ANKS1B: variants seen among roughly 807,000 people sequenced by gnomAD.
ANKS1B encodes the protein ankyrin repeat and sterile alpha motif domain containing 1B.
In ANKS1B, 36 loss-of-function variants were observed where a neutral mutation model predicts 148.3. The ratio of observed to expected loss-of-function variants is 0.24; its 90% CI spans 0.19 to 0.32. ANKS1B has a LOEUF of 0.32. ANKS1B is among the 10% of genes least tolerant of loss of function. The probability of loss-of-function intolerance (pLI) is 1.00; values close to 1 mark genes in which losing one functional copy is unlikely to be tolerated. For missense variants in ANKS1B, 1,157 were observed against 1,542.6 expected, an observed-to-expected ratio of 0.75 and a Z score of 4.19; for synonymous variants, 542 against 560.8, an observed-to-expected ratio of 0.97 and a Z score of 0.47.
At chr12:99,377,657 G>C (rs978978625) in intron 12 of ANKS1B, among the ~76,000 whole-genome samples, 1 of 152,194 alleles carries the variant, frequency 6.6e-6, no homozygotes, top group African/African-American at 2.4e-5. Flanking sequence ...TTAAGAAAAA[G>C]AGTGTATATT....
chr12:99,524,391 TAGCAA>T (rs2096906044), intron 9 of ANKS1B, among the ~76,000 whole-genome samples: 1 of 152,070 alleles, frequency 6.6e-6, no homozygotes, highest in African/African-American at 2.4e-5. Context: ...ACGTAACACA[TAGCAA>T]AAGGAACTTT....
intron 8 of ANKS1B, among the ~76,000 whole-genome samples, chr12:99,666,775 A>C (rs915707035): frequency 1.3e-5 from 2 of 151,986 alleles, no homozygotes; most frequent in African/African-American, 4.8e-5. Flanking sequence ...GGTGTATGGC[A>C]TATTATTTTG....
intron 1 of ANKS1B, among the ~76,000 whole-genome samples, chr12:99,983,222 A>T (rs2095732723): frequency 6.6e-6 from 1 of 152,184 alleles, no homozygotes; most frequent in African/African-American, 2.4e-5. Flanking sequence ...GTATCTAGTG[A>T]ATACTCTCCA....
In ANKS1B at chr12:99,213,941, C is replaced by T. The variant is rs138858879; in HGVS notation, c.2419+30401G>A. On this transcript the variant is annotated intron_variant, in intron 14 of 26. Coordinates refer to ENST00000683438, the MANE Select transcript of ANKS1B (RefSeq NM_001352186.2). ...TCATAGGATTTTAGGGAATGCTTCACATCAAAGCTGTTGGTGGCACAGAGG... is the reference window on the plus strand; with the variant it reads ...TCATAGGATTTTAGGGAATGCTTCATATCAAAGCTGTTGGTGGCACAGAGG... 1.2e-4 allele frequency among the ~76,000 whole-genome samples: 19 copies of T among 152,318 alleles called. No homozygotes were observed. In the East Asian group the frequency reaches 2.3e-3, roughly 19 times the overall value.
chr12:98,971,525 T>C (rs968976535), intron 17 of ANKS1B, among the ~76,000 whole-genome samples: 4 of 152,164 alleles, frequency 2.6e-5, no homozygotes, highest in Non-Finnish European at 5.9e-5. Flanking sequence ...ATCTGTTAGT[T>C]TGGATATATA....
chr12:99,808,200 T>C (rs984541312), intron 3 of ANKS1B, among the ~76,000 whole-genome samples: 4 of 151,968 alleles, frequency 2.6e-5, no homozygotes, highest in African/African-American at 9.7e-5. Flanking sequence ...ATAGCTGTTC[T>C]GATGAAAATA....
chr12:98,787,522 C>T (rs1176523436), intron 22 of ANKS1B, among the ~76,000 whole-genome samples: 3 of 152,138 alleles, frequency 2.0e-5, no homozygotes, highest in Non-Finnish European at 4.4e-5. Context: ...TGGCTAAGTA[C>T]CAGCAGTTTC....
At chr12:99,122,058 C>G (rs1388617015) in intron 15 of ANKS1B, among the ~76,000 whole-genome samples, 1 of 152,120 alleles carries the variant, frequency 6.6e-6, no homozygotes, top group Non-Finnish European at 1.5e-5. Context: ...TATTTGGAGT[C>G]AGATAGATGA....
At chr12:99,171,356 A>C (rs2077737255) in intron 14 of ANKS1B, among the ~76,000 whole-genome samples, 1 of 152,230 alleles carries the variant, frequency 6.6e-6, no homozygotes, top group African/African-American at 2.4e-5. Flanking sequence ...TCTGAAATTC[A>C]AAAATAGAAA....
chr12:99,822,281 C>T (rs577439784), intron 2 of ANKS1B, among the ~76,000 whole-genome samples: 41 of 152,138 alleles, frequency 2.7e-4, no homozygotes, highest in African/African-American at 9.9e-4. Context: ...ACTACCATTT[C>T]TACTTTTTAA....
intron 14 of ANKS1B, among the ~76,000 whole-genome samples, chr12:99,159,830 A>G (rs1303776542): frequency 6.6e-6 from 1 of 152,194 alleles, no homozygotes; most frequent in East Asian, 1.9e-4. Context: ...GTCTGAACTA[A>G]GTGACATTCC....
rs2095753673 is a variant in ANKS1B at position 99,984,693 on chromosome 12, G to A, written c.-456C>T. The A allele has an allele frequency of 6.6e-6, 1 of 152,294 alleles. No homozygotes were observed. The highest frequency in any genetic ancestry group is 1.5e-5 in the Non-Finnish European group (1 of 67,910). 9.4% of individuals were successfully genotyped at this position (152,294 alleles called of 1,614,324 possible). A position where few individuals can be genotyped will look rare whatever the true frequency, so the allele number is the denominator to read the frequency against. ...TGGCAGCAGCGGCCCGCGCGCCCTC[G>A]CGCCCGACCCGGGCTCGCCTCGGCT... On this transcript the variant is annotated 5_prime_UTR_variant, in exon 1 of 27. Transcript: ENST00000683438.
chr12:98,973,374 C>A (rs1207208034), intron 17 of ANKS1B, among the ~76,000 whole-genome samples: 2 of 152,176 alleles, frequency 1.3e-5, no homozygotes. Flanking sequence ...CCACCTGTAT[C>A]TTTCTTGGGG....
chr12:98,813,543 T>C (rs76092704), intron 19 of ANKS1B, among the ~76,000 whole-genome samples: 1 of 151,596 alleles, frequency 6.6e-6, no homozygotes, highest in African/African-American at 2.4e-5. Flanking sequence ...TTTTTTTTTT[T>C]CTTTTTTGGT....
chr12:99,841,048 C>A (rs1427732382), intron 1 of ANKS1B, among the ~76,000 whole-genome samples: 2 of 152,092 alleles, frequency 1.3e-5, no homozygotes, highest in East Asian at 3.9e-4. Flanking sequence ...GACTAAAATG[C>A]TGATCCCCTC....
At chr12:99,266,721 G>A (rs2076481954) in intron 12 of ANKS1B, among the ~76,000 whole-genome samples, 1 of 152,112 alleles carries the variant, frequency 6.6e-6, no homozygotes, top group Non-Finnish European at 1.5e-5. Context: ...AGGGTTAATA[G>A]AAACCCATTA....
intron 3 of ANKS1B, among the ~76,000 whole-genome samples, chr12:99,809,858 T>G (rs1323559369): frequency 6.6e-6 from 1 of 152,080 alleles, no homozygotes; most frequent in Non-Finnish European, 1.5e-5. Flanking sequence ...GGTTGAGAGC[T>G]TAGGCTTTGG....
intron 8 of ANKS1B, among the ~76,000 whole-genome samples, chr12:99,679,823 C>G (rs2098603874): frequency 6.6e-6 from 1 of 152,124 alleles, no homozygotes; most frequent in South Asian, 2.1e-4. Context: ...TGGGAAATGG[C>G]AGACAGGAGT....
chr12:99,705,555 T>C (rs1239748868), intron 8 of ANKS1B, among the ~76,000 whole-genome samples: 2 of 152,140 alleles, frequency 1.3e-5, no homozygotes, highest in African/African-American at 2.4e-5. Context: ...TTAATTTCTC[T>C]AGGGAATTTA....
Sources: allele counts gnomAD v4.1 joint callset (sites outside exome capture counted in the v4.1 genomes callset), GRCh38; gene constraint gnomAD v4.1.1; transcripts MANE v1.5; gene names NCBI Gene and HGNC (gene_info 2026-07-23, HGNC 2026-07-21).